Variants in MIS12 observed in about 807,000 individuals in gnomAD.
MIS12 encodes protein MIS12 homolog.
A neutral mutation model predicts 16.5 loss-of-function variants in MIS12; 13 were observed. The observed-to-expected ratio is 0.79, with a 90% CI of 0.51 to 1.25. MIS12 has a LOEUF of 1.25. Among genes scored for constraint, MIS12 ranks in the 50% most tolerant of loss-of-function variants. MIS12 has a pLI of 0.00. For missense variants in MIS12, 199 were observed against 239.5 expected (o/e 0.83, Z 1.12); for synonymous variants, 97 against 87.3 (o/e 1.11, Z -0.62).
Position 5,490,350 on chromosome 17 carries a change from A to G in MIS12, c.*870A>G, listed in dbSNP as rs929760699. On this transcript the variant is annotated 3_prime_UTR_variant, in exon 3 of 3. Transcript: ENST00000611091. ...AAAGCAGAACCCACTGGAGTAGAAA[A>G]GGAAGCATGTAGCATATACTCAGTA... 4 of 167,114 alleles carry G rather than the reference A, an allele frequency of 2.4e-5. No individual in the cohort carries two copies. The highest frequency in any genetic ancestry group is 7.2e-5 in the African/African-American group (3 of 41,460). 10.4% of individuals were successfully genotyped at this position (167,114 alleles called of 1,614,324 possible). A position where few individuals can be genotyped will look rare whatever the true frequency, so the allele number is the denominator to read the frequency against.
At chr17:5,487,228 T>G (rs1906412692) in intron 1 of MIS12, 1 of 152,156 alleles carries the variant, frequency 6.6e-6, no homozygotes, top group Non-Finnish European at 1.5e-5. Flanking sequence ...CATACCACTG[T>G]ACTCCAGCCT....
chr17:5,486,481 C>T, upstream of MIS12: 1 of 267,738 alleles, frequency 3.7e-6, no homozygotes, highest in Non-Finnish European at 7.1e-6. Flanking sequence ...CGCCCGGCCC[C>T]TTTCTGTCAT....
At chr17:5,487,012 C>T (rs1456334457) in intron 1 of MIS12, 1 of 152,266 alleles carries the variant, frequency 6.6e-6, no homozygotes, top group African/African-American at 2.4e-5. Flanking sequence ...AACTCTAAGT[C>T]TAGCAGAGAA....
chr17:5,488,558 A>C lies in MIS12; in HGVS notation c.-72A>C, dbSNP rs1228811333. 10 of 298,904 alleles carry C rather than the reference A, an allele frequency of 3.3e-5. No individual in the cohort carries two copies. The highest frequency in any genetic ancestry group is 6.3e-5 in the Non-Finnish European group (10 of 158,838). 18.5% of individuals were successfully genotyped at this position (298,904 alleles called of 1,614,324 possible). Reference sequence around the variant, plus strand: ...GACTTCAAAGTTGTCTAGGATGATAATTCAGAAGACTGATCTGTGCCAAAG... The same window carrying C: ...GACTTCAAAGTTGTCTAGGATGATACTTCAGAAGACTGATCTGTGCCAAAG... On this transcript the variant is annotated 5_prime_UTR_variant, in exon 2 of 3. Coordinates refer to ENST00000611091, the MANE Select transcript of MIS12 (RefSeq NM_001258217.2).
Position 5,489,522 on chromosome 17 carries a change from T to TCATAAGGACTGTTCAAAC in MIS12, c.*60_*77dup, listed in dbSNP as rs747226379. 3.8e-5 allele frequency: 58 copies of TCATAAGGACTGTTCAAAC among 1,539,224 alleles called. No individual in the cohort carries two copies. Among genetic ancestry groups the TCATAAGGACTGTTCAAAC allele is most frequent in the Non-Finnish European group, 4.6e-5 (53 of 1,149,568 alleles). On this transcript the variant is annotated 3_prime_UTR_variant, in exon 3 of 3. Coordinates refer to ENST00000611091, the MANE Select transcript of MIS12 (RefSeq NM_001258217.2). ...AGGAGGAGCCTGTCAAAAAGTAGAA[T>TCATAAGGACTGTTCAAAC]CATAAGGACTGTTCAAACCATAAGG...
In MIS12 at chr17:5,489,450, A is replaced by G. The variant is rs531698761; in HGVS notation, c.588A>G (p.Glu196=). The G allele has an allele frequency of 6.3e-7, 1 of 1,589,148 alleles. No individual in the cohort carries two copies. Among genetic ancestry groups the G allele is most frequent in the African/African-American group, 1.4e-5 (1 of 73,220 alleles). ...RKLQNIRDNV[E]KESKRLKIS is the part of the protein sequence containing the mutation. Reference sequence around the variant, plus strand: ...TACAGAACATTAGAGACAATGTGGAAAAGGAATCGAAACGACTGAAAATAT... The same window carrying G: ...TACAGAACATTAGAGACAATGTGGAGAAGGAATCGAAACGACTGAAAATAT... Residue 196 remains glutamate, a synonymous_variant, in exon 3 of 3, where the codon GAA becomes GAG. Coordinates refer to ENST00000611091, the MANE Select transcript of MIS12 (RefSeq NM_001258217.2).
chr17:5,489,342 T>C lies in MIS12; in HGVS notation c.480T>C (p.Asp160=). The change falls in exon 3 of 3, where the codon GAT becomes GAC. Residue 160 remains aspartate (D), a synonymous_variant. Transcript: ENST00000611091. ...AKLKQTLTFF[D]ELHNVGRDHG... ...TCAAACAGACGTTGACTTTCTTTGA[T>C]GAGCTTCATAATGTTGGCAGAGATC... 6.2e-7 allele frequency: 1 copy of C among 1,613,920 alleles called. No homozygotes were observed. Among genetic ancestry groups the C allele is most frequent in the African/African-American group, 1.3e-5 (1 of 75,052 alleles).
chr17:5,489,522 T>C lies in MIS12; in HGVS notation c.*42T>C. 6.5e-7 allele frequency: 1 copy of C among 1,539,342 alleles called. No homozygotes were observed. The highest frequency in any genetic ancestry group is 8.7e-7 in the Non-Finnish European group (1 of 1,149,560). ...AGGAGGAGCCTGTCAAAAAGTAGAA[T>C]CATAAGGACTGTTCAAACCATAAGG... On this transcript the variant is annotated 3_prime_UTR_variant, in exon 3 of 3. Coordinates refer to ENST00000611091, the MANE Select transcript of MIS12 (RefSeq NM_001258217.2).
chr17:5,488,639 G>A, intron 2 of MIS12, 50 bp downstream of exon 2: 1 of 442,138 alleles, frequency 2.3e-6, no homozygotes. Flanking sequence ...ATAGGCTGAT[G>A]GAAGGAGCCT....
chr17:5,487,935 A>G (rs1378559228), intron 1 of MIS12, among the ~76,000 whole-genome samples: 1 of 152,204 alleles, frequency 6.6e-6, no homozygotes, highest in African/African-American at 2.4e-5. Flanking sequence ...AATTCACCTG[A>G]TAATTGAAGT....
Position 5,488,601 on chromosome 17 carries a change from GAAC to G in MIS12, c.-41+16_-41+18del. 2.4e-6 allele frequency: 1 copy of G among 412,324 alleles called. No individual in the cohort carries two copies. Among genetic ancestry groups the G allele is most frequent in the Non-Finnish European group, 4.4e-6 (1 of 226,974 alleles). The allele number at this position is 412,324 out of a possible 1,614,324, so 25.5% of individuals were successfully genotyped here. A position where few individuals can be genotyped will look rare whatever the true frequency, so the allele number is the denominator to read the frequency against. ...TGCCAAAGTCACAGGTAAGGGAAGT[GAAC>G]AACGAGGAGGGGAAAAGGGAGGGTA... On this transcript the variant is annotated intron_variant, in intron 2 of 2. Transcript: ENST00000611091.
rs748573733 is a variant in MIS12 at position 5,489,459 on chromosome 17, G to A, written c.597G>A (p.Ser199=). ...QNIRDNVEKE[S]KRLKIS ...TTAGAGACAATGTGGAAAAGGAATC[G>A]AAACGACTGAAAATATCTTAATTGC... The change falls in exon 3 of 3, where the codon TCG becomes TCA. Residue 199 remains serine, a synonymous_variant. Coordinates refer to ENST00000611091, the MANE Select transcript of MIS12 (RefSeq NM_001258217.2). 10 of 1,586,962 alleles carry A rather than the reference G, an allele frequency of 6.3e-6. No individual in the cohort carries two copies. Among genetic ancestry groups the A allele is most frequent in the South Asian group, 5.8e-5 (5 of 85,660 alleles).
In MIS12 at chr17:5,489,026, T is replaced by A; in HGVS notation, c.164T>A (p.Ile55Asn). The A allele has an allele frequency of 6.2e-7, 1 of 1,614,242 alleles. No individual in the cohort carries two copies. Among genetic ancestry groups the A allele is most frequent in the Non-Finnish European group, 8.5e-7 (1 of 1,180,044 alleles). ...KKLDGIPDCD[I>N]SPVQIRKCTE... ...CTGGATGGCATCCCAGACTGTGACA[T>A]TAGCCCAGTGCAGATTCGCAAATGC... Residue 55 changes from isoleucine to asparagine, a missense_variant, in exon 3 of 3, where the codon ATT becomes AAT. By Grantham distance (149) the Ile-to-Asn change is moderately radical (BLOSUM62 -3). Transcript: ENST00000611091.
At position 5,489,011 on chromosome 17, in the gene MIS12, T is replaced by G. The variant is rs1167869540; in HGVS notation, c.149T>G (p.Ile50Ser). The change falls in exon 3 of 3, where the codon ATC (isoleucine) becomes AGC (serine). Residue 50 changes from isoleucine to serine, a missense_variant. Physicochemically the swap from Ile to Ser is moderately radical, Grantham distance 142. Transcript: ENST00000611091. ...GTTATTCTGAAGAAGCTGGATGGCA[T>G]CCCAGACTGTGACATTAGCCCAGTG... is the stretch of plus-strand genomic sequence containing the variant. Reference protein sequence around the residue: ...EQVILKKLDGIPDCDISPVQI... With the variant: ...EQVILKKLDGSPDCDISPVQI... 1.9e-6 allele frequency: 3 copies of G among 1,614,240 alleles called. No individual in the cohort carries two copies. In the South Asian group the frequency reaches 3.3e-5, roughly 18 times the overall value.
chr17:5,489,047 A>G lies in MIS12; in HGVS notation c.185A>G (p.Lys62Arg), dbSNP rs377259876. Residue 62 changes from lysine (K) to arginine (R), a missense_variant, in exon 3 of 3, where the codon AAA (lysine) becomes AGA (arginine). By Grantham distance (26) the Lys-to-Arg change is conservative. Coordinates refer to ENST00000611091, the MANE Select transcript of MIS12 (RefSeq NM_001258217.2). ...DCDISPVQIR[K>R]CTEKFLCFMK... ...GACATTAGCCCAGTGCAGATTCGCA[A>G]ATGCACAGAGAAGTTTCTTTGCTTC... 122 of 1,614,258 alleles carry G rather than the reference A, an allele frequency of 7.6e-5. 5 individuals are homozygous for G. In the South Asian group the frequency reaches 1.3e-3, roughly 17 times the overall value.
chr17:5,488,837 A>G lies in MIS12; in HGVS notation c.-26A>G. The G allele has an allele frequency of 6.3e-7, 1 of 1,580,214 alleles. No homozygotes were observed. Among genetic ancestry groups the G allele is most frequent in the South Asian group, 1.2e-5 (1 of 85,798 alleles). ...TACATTTGCAGGTTTTTCACGACTG[A>G]AAACAACATAGCAAAATAAGCCAAG... On this transcript the variant is annotated 5_prime_UTR_variant, in exon 3 of 3. Coordinates refer to ENST00000611091, the MANE Select transcript of MIS12 (RefSeq NM_001258217.2).
At position 5,490,606 on chromosome 17, in the gene MIS12, AATGGTTGTTCCTAAGGT is replaced by A. The variant is rs1244661260; in HGVS notation, c.*1129_*1145del. 6.0e-6 allele frequency: 1 copy of A among 167,090 alleles called. No individual in the cohort carries two copies. The highest frequency in any genetic ancestry group is 2.4e-5 in the African/African-American group (1 of 41,444). The allele number at this position is 167,090 out of a possible 1,614,324, so 10.4% of individuals were successfully genotyped here. A position where few individuals can be genotyped will look rare whatever the true frequency, so the allele number is the denominator to read the frequency against. On this transcript the variant is annotated 3_prime_UTR_variant, in exon 3 of 3. Coordinates refer to ENST00000611091, the MANE Select transcript of MIS12 (RefSeq NM_001258217.2). ...CACCCAAGGAAAGGGGAGAAATAGC[AATGGTTGTTCCTAAGGT>A]ATTGCTTGCCCTCCATGTCTTCCTA...
At chr17:5,486,875 C>T (rs1392493515) in intron 1 of MIS12, 191 bp downstream of exon 1, 1 of 152,540 alleles carries the variant, frequency 6.6e-6, no homozygotes. Flanking sequence ...AGTTCCTGCG[C>T]TCTGGCTTCT....
In MIS12 at chr17:5,490,051, C is replaced by T. The variant is rs1906666763; in HGVS notation, c.*571C>T. On this transcript the variant is annotated 3_prime_UTR_variant, in exon 3 of 3. Coordinates refer to ENST00000611091, the MANE Select transcript of MIS12 (RefSeq NM_001258217.2). ...TGCTTGGCTAATTTTTTTGCAGAAA[C>T]GAGGCCTCACTATATTGTCCAGGCT... 3.6e-5 allele frequency: 6 copies of T among 166,982 alleles called. No homozygotes were observed. Among genetic ancestry groups the T allele is most frequent in the Admixed American group, 3.3e-4 (5 of 15,244 alleles). The allele number at this position is 166,982 out of a possible 1,614,324, so 10.3% of individuals were successfully genotyped here.
Sources: gnomAD v4.1 joint callset for allele counts (sites outside exome capture counted in the v4.1 genomes callset) on GRCh38, gnomAD v4.1.1 for gene constraint, MANE v1.5 for transcripts, NCBI Gene and HGNC (gene_info 2026-07-23, HGNC 2026-07-21) for gene names.